Variants in ZNF177 observed in about 807,000 individuals in gnomAD.
The protein encoded by ZNF177 is zinc finger protein 177.
In ZNF177, 17 loss-of-function variants were observed where a neutral mutation model predicts 19.4. The observed-to-expected ratio is 0.87, with a 90% confidence interval of 0.60 to 1.31. The LOEUF is 1.31. Among genes scored for constraint, ZNF177 ranks in the 40% most tolerant of loss-of-function variants. The pLI, the probability that ZNF177 is intolerant of heterozygous loss-of-function variation, is 0.00. For synonymous variants in ZNF177, 220 were observed against 188.7 expected, an observed-to-expected ratio of 1.17 and a Z score of -1.36; for missense variants, 633 against 561.8, an observed-to-expected ratio of 1.13 and a Z score of -1.28.
chr19:9,380,992 G>A (rs2068189649), exon 6 of ZNF177: 1 of 1,561,408 alleles, frequency 6.4e-7, no homozygotes, highest in South Asian at 1.1e-5. Flanking sequence ...TTCCTGCTCA[G>A]TACGTGAGCA....
downstream of ZNF177, chr19:9,382,616 A>C (rs1467447077): frequency 3.6e-5 from 14 of 385,154 alleles, no homozygotes; most frequent in South Asian, 4.4e-4. Flanking sequence ...GGAATCGTTC[A>C]AGTATGGTTG....
chr19:9,366,131 C>T (rs1307297186), intron 2 of ZNF177, among the ~76,000 whole-genome samples: 1 of 152,084 alleles, frequency 6.6e-6, no homozygotes. Flanking sequence ...TACAGGCATG[C>T]TCCACCACAC....
At chr19:9,381,219 G>A in exon 6 of ZNF177, 3 of 1,614,132 alleles carry the variant, frequency 1.9e-6, no homozygotes, top group Middle Eastern at 1.6e-4. Context: ...TCATTTTTCA[G>A]TCTTCCCTTA....
chr19:9,372,458 G>A (rs1015136614), upstream of ZNF177, among the ~76,000 whole-genome samples: 5 of 150,864 alleles, frequency 3.3e-5, no homozygotes, highest in African/African-American at 1.2e-4. Context: ...CTACCACCCA[G>A]CTTCAATGAT....
upstream of ZNF177, among the ~76,000 whole-genome samples, chr19:9,372,180 G>C (rs2122515345): frequency 6.6e-6 from 1 of 152,234 alleles, no homozygotes; most frequent in Middle Eastern, 3.4e-3. Flanking sequence ...TGCACTAGTT[G>C]CTTGGGGACA....
At chr19:9,380,631 A>G in intron 5 of ZNF177, 37 bp from the exon 8 acceptor site, 2 of 1,535,992 alleles carry the variant, frequency 1.3e-6, no homozygotes, top group Non-Finnish European at 1.7e-6. Context: ...GTGAAAGTGA[A>G]AAAGCCTCTA....
chr19:9,378,917 A>G (rs1003414001), intron 2 of ZNF177, 45 bp from the exon 5 acceptor site: 5 of 1,550,982 alleles, frequency 3.2e-6, no homozygotes, highest in Non-Finnish European at 4.4e-6. Flanking sequence ...GTACATTGTC[A>G]AAAATGGTCA....
At chr19:9,371,069 A>C (rs1424427133) in intron 2 of ZNF177, among the ~76,000 whole-genome samples, 1 of 152,194 alleles carries the variant, frequency 6.6e-6, no homozygotes, top group Non-Finnish European at 1.5e-5. Flanking sequence ...ATATTGAATA[A>C]TGCTGGGTTT....
chr19:9,380,018 T>A (rs1417871094), intron 4 of ZNF177, 39 bp from the exon 7 acceptor site: 6 of 1,596,742 alleles, frequency 3.8e-6, no homozygotes, highest in Non-Finnish European at 5.1e-6. Flanking sequence ...ATCCCAACCT[T>A]TTCTCCCAAT....
At chr19:9,381,303 C>T (rs2068196723) in exon 6 of ZNF177, 1 of 1,613,958 alleles carries the variant, frequency 6.2e-7, no homozygotes, top group East Asian at 2.2e-5. Context: ...TTAGCCAGAG[C>T]TCTCATCTGA....
chr19:9,380,689 C>T, exon 6 of ZNF177: 1 of 1,535,640 alleles, frequency 6.5e-7, no homozygotes, highest in South Asian at 1.2e-5. Flanking sequence ...ACCTGGTGAG[C>T]ACTCCCTGGA....
In ZNF177 at chr19:9,367,539, G is replaced by T. The variant is rs558832752; in HGVS notation, c.-305+2591G>T. ...CTGGTAAACCTAACTTAATTCTGTT[G>T]TACTATATTTCCTATTTATTGACAT... On this transcript the variant is annotated intron_variant, in intron 2 of 8. Transcript: ENST00000343499. 1.7e-4 allele frequency among the ~76,000 whole-genome samples: 26 copies of T among 152,194 alleles called. 1 individual carries two copies. In the East Asian group the frequency reaches 5.0e-3, roughly 29 times the overall value.
chr19:9,374,871 C>A (rs1006493991), upstream of ZNF177, among the ~76,000 whole-genome samples: 1 of 152,020 alleles, frequency 6.6e-6, no homozygotes, highest in Non-Finnish European at 1.5e-5. Context: ...GCTAGAACTT[C>A]AGTTGTATGT....
exon 6 of ZNF177, chr19:9,381,070 A>G: frequency 6.2e-7 from 1 of 1,609,462 alleles, no homozygotes; most frequent in Non-Finnish European, 8.5e-7. Flanking sequence ...TAGTGTCCAC[A>G]CAAAAACTGG....
chr19:9,372,178 T>C (rs969626317), upstream of ZNF177, among the ~76,000 whole-genome samples: 1 of 152,184 alleles, frequency 6.6e-6, no homozygotes, highest in African/African-American at 2.4e-5. Flanking sequence ...CTTGCACTAG[T>C]TGCTTGGGGA....
At chr19:9,378,083 A>G (rs1186223369) in intron 1 of ZNF177, among the ~76,000 whole-genome samples, 176 bp from the exon 4 acceptor site, 1 of 152,186 alleles carries the variant, frequency 6.6e-6, no homozygotes, top group Non-Finnish European at 1.5e-5. Flanking sequence ...AGAAAAAATG[A>G]AAAATGCATA....
intron 3 of ZNF177, 154 bp downstream of exon 5, chr19:9,379,242 GA>G: frequency 7.8e-7 from 1 of 1,285,226 alleles, no homozygotes; most frequent in Non-Finnish European, 1.0e-6. Flanking sequence ...GGCTTCCCAT[GA>G]AAATGCACTG....
rs60247923 is a variant in ZNF177 at position 9,366,347 on chromosome 19, G to A, written c.-305+1399G>A. On this transcript the variant is annotated intron_variant, in intron 2 of 8. Transcript: ENST00000343499. ...CAGGCTGGAGTGCCGTGGTGCCCTC[G>A]ACCTCCCTAGCTCGGCCTTCCACCT... Among the ~76,000 whole-genome samples the A allele has an allele frequency of 1.4e-3, 209 of 152,038 alleles. 1 individual carries two copies. The highest frequency in any genetic ancestry group is 4.5e-3 in the African/African-American group (186 of 41,478).
upstream of ZNF177, among the ~76,000 whole-genome samples, chr19:9,374,148 C>T (rs935046848): frequency 1.3e-5 from 2 of 151,956 alleles, no homozygotes; most frequent in Non-Finnish European, 2.9e-5. Flanking sequence ...CACCATTTGC[C>T]GAAGAGACTG....
Sources: allele counts gnomAD v4.1 joint callset (sites outside exome capture counted in the v4.1 genomes callset), GRCh38; gene constraint gnomAD v4.1.1; transcripts MANE v1.5; gene names NCBI Gene and HGNC (gene_info 2026-07-23, HGNC 2026-07-21).